Variants in TMEM108 observed in about 807,000 individuals in gnomAD.
TMEM108 encodes the protein transmembrane protein 108.
A neutral mutation model predicts 35.1 loss-of-function variants in TMEM108; 12 were observed. The ratio of observed to expected loss-of-function variants is 0.34; its 90% CI spans 0.22 to 0.55. The LOEUF is 0.55. TMEM108 is among the 20% of genes least tolerant of loss of function. The probability of loss-of-function intolerance (pLI) is 0.89; values close to 1 mark genes in which losing one functional copy is unlikely to be tolerated. For missense variants in TMEM108, 680 were observed against 753.3 expected, an observed-to-expected ratio of 0.90 and a Z score of 1.14; for synonymous variants, 287 against 308.6, an observed-to-expected ratio of 0.93 and a Z score of 0.73.
intron 2 of TMEM108, among the ~76,000 whole-genome samples, chr3:133,140,962 T>C (rs1443686932): frequency 1.3e-5 from 2 of 152,180 alleles, no homozygotes; most frequent in Admixed American, 1.3e-4. Flanking sequence ...GGCAGTGAAA[T>C]GGCTGTGCAT....
At chr3:133,188,227 A>G (rs919057341) in intron 2 of TMEM108, among the ~76,000 whole-genome samples, 4 of 152,220 alleles carry the variant, frequency 2.6e-5, no homozygotes, top group Non-Finnish European at 2.9e-5. Context: ...GCGTCTGCAC[A>G]CTACACATTT....
intron 1 of TMEM108, among the ~76,000 whole-genome samples, chr3:133,040,069 G>T (rs907325292): frequency 3.3e-5 from 5 of 152,144 alleles, no homozygotes; most frequent in Non-Finnish European, 7.3e-5. Context: ...AGAACAAGTT[G>T]CTGCAAAGCT....
chr3:133,330,953 A>G (rs1324023750), intron 3 of TMEM108, among the ~76,000 whole-genome samples: 1 of 152,192 alleles, frequency 6.6e-6, no homozygotes, highest in African/African-American at 2.4e-5. Context: ...TAAAATAGTT[A>G]TAATTATCTG....
intron 2 of TMEM108, 136 bp from the exon 3 acceptor site, chr3:133,229,130 G>A: frequency 1.7e-6 from 1 of 574,816 alleles, no homozygotes; most frequent in South Asian, 2.3e-5. Flanking sequence ...AAACTGTGGT[G>A]TATTTATCCC....
chr3:133,203,404 C>T (rs1333857318), intron 2 of TMEM108, among the ~76,000 whole-genome samples: 8 of 152,192 alleles, frequency 5.3e-5, no homozygotes, highest in Non-Finnish European at 1.2e-4. Context: ...AGCTTTGGCC[C>T]ATTCTGTATG....
intron 2 of TMEM108, among the ~76,000 whole-genome samples, chr3:133,151,831 G>A (rs1052710570): frequency 6.6e-6 from 1 of 151,984 alleles, no homozygotes; most frequent in Non-Finnish European, 1.5e-5. Context: ...TTAAGTAGAG[G>A]TTTATTTGTT....
chr3:133,314,130 A>C (rs73222854), intron 3 of TMEM108, among the ~76,000 whole-genome samples: 6,680 of 152,196 alleles, frequency 0.044, 191 homozygotes, highest in Non-Finnish European at 0.064. Flanking sequence ...AATTTTTAAG[A>C]GTTTATTTTT....
chr3:133,300,936 G>A (rs1947213457), intron 3 of TMEM108, among the ~76,000 whole-genome samples: 1 of 89,886 alleles, frequency 1.1e-5, no homozygotes, highest in Non-Finnish European at 2.4e-5. Context: ...CACAGCGTAA[G>A]AATAAAGAAA....
In TMEM108 at chr3:133,167,911, C is replaced by T. The variant is rs138277858; in HGVS notation, c.-46-61355C>T. ...ACCGAGGCTGAGGAGGCACCGAGAGCGAGTGAGGGCTGCCAGCACACTGTC... is the reference window on the plus strand; with the variant it reads ...ACCGAGGCTGAGGAGGCACCGAGAGTGAGTGAGGGCTGCCAGCACACTGTC... On this transcript the variant is annotated intron_variant, in intron 2 of 5. Coordinates refer to ENST00000321871, the MANE Select transcript of TMEM108 (RefSeq NM_023943.4). Among the ~76,000 whole-genome samples the T allele has an allele frequency of 7.9e-4, 121 of 152,258 alleles. No homozygotes were observed. In the East Asian group the frequency reaches 0.022, roughly 28 times the overall value.
At chr3:133,205,132 C>CTT (rs56148731) in intron 2 of TMEM108, among the ~76,000 whole-genome samples, 328 of 146,150 alleles carry the variant, frequency 2.2e-3, no homozygotes, top group African/African-American at 2.1e-3. Flanking sequence ...ACCCCTGCTG[C>CTT]TTTTTTTTTT....
At position 133,369,508 on chromosome 3, in the gene TMEM108, C is replaced by T. The variant is rs6767506; in HGVS notation, c.41-10244C>T. ...GTTTATATTACATGGGTGGTGTTTA[C>T]CCTGACTCCGCAGTTGGAATTTGAA... On this transcript the variant is annotated intron_variant, in intron 3 of 5. Coordinates refer to ENST00000321871, the MANE Select transcript of TMEM108 (RefSeq NM_023943.4). Among the ~76,000 whole-genome samples the T allele has an allele frequency of 2.7e-3, 405 of 152,270 alleles. 3 individuals are homozygous for T. The highest frequency in any genetic ancestry group is 9.1e-3 in the African/African-American group (380 of 41,550).
chr3:133,151,944 G>A (rs976362567), intron 2 of TMEM108, among the ~76,000 whole-genome samples: 3 of 152,172 alleles, frequency 2.0e-5, no homozygotes, highest in African/African-American at 4.8e-5. Flanking sequence ...AGAGTTGAAT[G>A]TCATGGTTGA....
chr3:133,353,682 G>T (rs564644033), intron 3 of TMEM108, among the ~76,000 whole-genome samples: 21 of 152,300 alleles, frequency 1.4e-4, no homozygotes, highest in Non-Finnish European at 2.8e-4. Flanking sequence ...TGAGATTTTA[G>T]TTGGGGGAAA....
chr3:133,078,384 G>A (rs1005704707), intron 2 of TMEM108, among the ~76,000 whole-genome samples: 6 of 152,020 alleles, frequency 3.9e-5, no homozygotes, highest in African/African-American at 9.7e-5. Flanking sequence ...ACAACTAGGC[G>A]GTGTCTGATA....
chr3:133,381,432 G>A (rs998291545), intron 4 of TMEM108, among the ~76,000 whole-genome samples: 1 of 151,948 alleles, frequency 6.6e-6, no homozygotes, highest in Non-Finnish European at 1.5e-5. Flanking sequence ...GCATTTTGCA[G>A]AAAAAAAATG....
chr3:133,380,962 T>C lies in TMEM108; in HGVS notation c.1251T>C (p.Pro417=), dbSNP rs773403389. 8 of 1,614,152 alleles carry C rather than the reference T, an allele frequency of 5.0e-6. No homozygotes were observed. Among genetic ancestry groups the C allele is most frequent in the Non-Finnish European group, 5.9e-6 (7 of 1,180,014 alleles). ...CCATGACCGACCGGGTGCCCAGTCC[T>C]CTCTCCACAGTGGTATCCACAGCCA... ...TLTMTDRVPS[P]LSTVVSTATG... The change falls in exon 4 of 6, where the codon CCT becomes CCC. Residue 417 remains proline, a synonymous_variant. Transcript: ENST00000321871. This position sits in a 1 kb window ranked among gnomAD's most constrained non-coding sequence, Gnocchi z 5.3.
intron 3 of TMEM108, among the ~76,000 whole-genome samples, chr3:133,371,171 C>A (rs1157118846): frequency 1.3e-5 from 2 of 152,196 alleles, no homozygotes; most frequent in Non-Finnish European, 2.9e-5. Context: ...TTTGATTTCA[C>A]TTCTACATGG....
chr3:133,040,190 TTTTGTTTG>T (rs199853605), intron 1 of TMEM108, among the ~76,000 whole-genome samples: 2 of 144,720 alleles, frequency 1.4e-5, no homozygotes, highest in African/African-American at 2.6e-5. Context: ...TCACAGTTTT[TTTTGTTTG>T]TTTGTTTGTT....
intron 2 of TMEM108, among the ~76,000 whole-genome samples, chr3:133,195,767 C>T (rs1945566512): frequency 6.6e-6 from 1 of 152,174 alleles, no homozygotes; most frequent in Admixed American, 6.5e-5. Flanking sequence ...AAGGATCTTT[C>T]CTCTTAGAGT....
Sources: gnomAD v4.1 joint callset for allele counts (sites outside exome capture counted in the v4.1 genomes callset) on GRCh38, gnomAD v4.1.1 for gene constraint, Gnocchi (gnomAD v3.1) non-coding constraint, MANE v1.5 for transcripts, NCBI Gene and HGNC (gene_info 2026-07-23, HGNC 2026-07-21) for gene names.